The following ACTN3 variants were observed in gnomAD, a reference collection of about 807,000 sequenced individuals.
The protein encoded by ACTN3 is actinin alpha 3.
Under a neutral mutation model 119.6 loss-of-function variants are expected in ACTN3, and 91 were observed. The ratio of observed to expected loss-of-function variants is 0.76; its 90% CI spans 0.64 to 0.91. The LOEUF (loss-of-function observed/expected upper bound fraction) is 0.91, where lower values mean the gene tolerates loss of function less well. Ranked by LOEUF, ACTN3 falls within the 40% of genes least tolerant of loss-of-function variation. The probability of loss-of-function intolerance (pLI) is 0.00; values close to 1 mark genes in which losing one functional copy is unlikely to be tolerated. For missense variants in ACTN3, 1,221 were observed against 1,215.1 expected (o/e 1.00, Z -0.07); for synonymous variants, 456 against 478.8 (o/e 0.95, Z 0.62).
At chr11:66,562,586 G>A (rs1857807360) in intron 19 of ACTN3, among the ~76,000 whole-genome samples, 1 of 152,088 alleles carries the variant, frequency 6.6e-6, no homozygotes, top group African/African-American at 2.4e-5. Flanking sequence ...CAGGACCAGG[G>A]AGCAAATCTG....
chr11:66,547,268 A>G (rs1857370980), intron 1 of ACTN3, among the ~76,000 whole-genome samples, 184 bp downstream of exon 1: 1 of 152,132 alleles, frequency 6.6e-6, no homozygotes, highest in South Asian at 2.1e-4. Flanking sequence ...GGGAGCCCTC[A>G]AGAGGGGTTT....
In ACTN3 at chr11:66,554,054, A is replaced by T. The variant is rs747680597; in HGVS notation, c.392A>T (p.Asp131Val). ...LVSIGAEEIV[D>V]GNLKMTLGMI... ...GACCCCTGCCCTGCAGAGATTGTTG[A>T]CGGGAACCTGAAGATGACCCTGGGC... Residue 131 changes from aspartate to valine, a missense_variant, in exon 4 of 21, where the codon GAC becomes GTC. Physicochemically the swap from Asp to Val is radical, Grantham distance 152 (BLOSUM62 -3). Around this residue, in one of 3 missense-constraint regions of ACTN3, gnomAD observed 239 missense variants for 231.8 expected, o/e 1.03. Coordinates refer to ENST00000513398, the MANE Select transcript of ACTN3 (RefSeq NM_001104.4). 6.2e-6 allele frequency: 10 copies of T among 1,613,746 alleles called. No homozygotes were observed. The South Asian group carries it at 9.9e-5, about 16-fold the overall frequency.
At chr11:66,548,118 G>A (rs1182578323) in intron 1 of ACTN3, among the ~76,000 whole-genome samples, 2 of 152,172 alleles carry the variant, frequency 1.3e-5, no homozygotes, top group Admixed American at 6.5e-5. Flanking sequence ...GAATTTAAAT[G>A]ACCTGAGAGT....
chr11:66,546,539 C>T (rs769391738), upstream of ACTN3: 1 of 1,535,444 alleles, frequency 6.5e-7, no homozygotes, highest in African/African-American at 1.4e-5. Flanking sequence ...GTCCCACCAG[C>T]GAGGTGCTGG....
chr11:66,561,623 G>A lies in ACTN3; in HGVS notation c.2161G>A (p.Val721Ile), dbSNP rs557548998. 2.1e-5 allele frequency: 34 copies of A among 1,612,174 alleles called. No homozygotes were observed. In the South Asian group the frequency reaches 2.4e-4, roughly 12 times the overall value. ...ESLVFDNKHT[V>I]YSMEHIRVGW... is the part of the protein sequence containing the mutation. ...CCTGGTGTTCGACAATAAGCACACC[G>A]TCTACAGCATGGAGGTGGGATCACA... is the stretch of plus-strand genomic sequence containing the variant. The change falls in exon 17 of 21, where the codon GTC becomes ATC. Residue 721 changes from valine (V) to isoleucine (I), a missense_variant. Val to Ile is a conservative substitution (Grantham distance 29). Around this residue, in one of 3 missense-constraint regions of ACTN3, gnomAD observed 934 missense variants for 899.9 expected, o/e 1.04. Coordinates refer to ENST00000513398, the MANE Select transcript of ACTN3 (RefSeq NM_001104.4).
chr11:66,549,604 G>A (rs1046986923), intron 1 of ACTN3, among the ~76,000 whole-genome samples: 4 of 152,042 alleles, frequency 2.6e-5, no homozygotes, highest in African/African-American at 9.7e-5. Flanking sequence ...GGCGACGCAT[G>A]CCTGTAATCC....
At chr11:66,562,189 G>A in intron 18 of ACTN3, 21 bp downstream of exon 18, 1 of 1,613,930 alleles carries the variant, frequency 6.2e-7, no homozygotes, top group Non-Finnish European at 8.5e-7. Context: ...GCCTGGCCCT[G>A]TGGGGTAAGA....
In ACTN3 at chr11:66,561,265, G is replaced by T; in HGVS notation, c.1899G>T (p.Gln633His). The change falls in exon 16 of 21, where the codon CAG becomes CAT. Residue 633 changes from glutamine to histidine, a missense_variant. Coordinates refer to ENST00000513398, the MANE Select transcript of ACTN3 (RefSeq NM_001104.4). ...KLVPSCDQTL[Q>H]EELARQQVNE... ...TGCCCAGCTGTGACCAGACACTGCA[G>T]GAGGAGCTGGCACGGCAGCAGGTAA... 6.2e-7 allele frequency: 1 copy of T among 1,600,792 alleles called. No individual in the cohort carries two copies. Among genetic ancestry groups the T allele is most frequent in the Admixed American group, 1.7e-5 (1 of 58,512 alleles).
In ACTN3 at chr11:66,554,620, C is replaced by G; in HGVS notation, c.554C>G (p.Thr185Ser). Residue 185 changes from threonine to serine, a missense_variant, in exon 5 of 21, where the codon ACC becomes AGC. Physicochemically the swap from Thr to Ser is moderately conservative, Grantham distance 58. Around this residue, in one of 3 missense-constraint regions of ACTN3, gnomAD observed 48 missense variants for 83.4 expected, o/e 0.58. Transcript: ENST00000513398. ...YRNVNVQNFH[T>S]SWKDGLALCA... Reference sequence around the variant, plus strand: ...AACGTCAACGTGCAGAACTTCCACACCAGGTCTGTCAGGTGGTTACCAAAT... The same window carrying G: ...AACGTCAACGTGCAGAACTTCCACAGCAGGTCTGTCAGGTGGTTACCAAAT... The G allele has an allele frequency of 6.2e-7, 1 of 1,610,182 alleles. No homozygotes were observed.
intron 16 of ACTN3, 27 bp downstream of exon 16, chr11:66,561,388 CT>C: frequency 6.2e-7 from 1 of 1,607,270 alleles, no homozygotes; most frequent in Non-Finnish European, 8.5e-7. Flanking sequence ...TGGGTCCAAC[CT>C]GGGGGGATGG....
intron 7 of ACTN3, 103 bp downstream of exon 7, chr11:66,555,470 G>A (rs186486417): frequency 1.6e-5 from 19 of 1,170,690 alleles, no homozygotes; most frequent in Admixed American, 1.1e-4. Context: ...GGGATGCTCC[G>A]ACCACCCCCA....
chr11:66,559,849 C>T, intron 12 of ACTN3, 119 bp from the exon 13 acceptor site: 1 of 1,018,278 alleles, frequency 9.8e-7, no homozygotes, highest in Non-Finnish European at 1.5e-6. Flanking sequence ...TTACCCACCA[C>T]CTGCCCTGGC....
In ACTN3 at chr11:66,560,225, C is replaced by A. The variant is rs749033120; in HGVS notation, c.1591C>A (p.Arg531=). Residue 531 remains arginine, a synonymous_variant, in exon 14 of 21, where the codon CGG becomes AGG. Transcript: ENST00000513398. ...IDRLQLEFAR[R]AAPFNNWLDG... ...CCGGCTGCAACTGGAGTTTGCCCGG[C>A]GGGCCGCGCCCTTCAACAACTGGCT... 1.2e-6 allele frequency: 2 copies of A among 1,611,828 alleles called. No individual in the cohort carries two copies. The highest frequency in any genetic ancestry group is 1.7e-6 in the Non-Finnish European group (2 of 1,179,104).
intron 1 of ACTN3, 187 bp from the exon 2 acceptor site, chr11:66,551,052 G>A (rs573415250): frequency 2.9e-6 from 2 of 689,960 alleles, no homozygotes; most frequent in South Asian, 3.0e-5. Context: ...TCCCCTCTCA[G>A]GAAAACGAAA....
At position 66,558,032 on chromosome 11, in the gene ACTN3, C is replaced by A; in HGVS notation, c.1134C>A (p.Ile378=). The change falls in exon 11 of 21, where the codon ATC becomes ATA. Residue 378 remains isoleucine, a synonymous_variant. Transcript: ENST00000513398. ...MPSEGKLVSD[I]ANAWRGLEQV... ...CACCCCTGCCTGCTCCACAGGACAT[C>A]GCCAACGCCTGGCGGGGGCTGGAGC... 15 of 1,613,816 alleles carry A rather than the reference C, an allele frequency of 9.3e-6. No individual in the cohort carries two copies. Among genetic ancestry groups the A allele is most frequent in the Non-Finnish European group, 1.3e-5 (15 of 1,179,846 alleles).
intron 1 of ACTN3, among the ~76,000 whole-genome samples, chr11:66,548,043 C>G (rs559281278): frequency 1.3e-5 from 2 of 152,296 alleles, no homozygotes; most frequent in African/African-American, 4.8e-5. Context: ...GGCCATTGGA[C>G]CCTGCTCAGC....
chr11:66,551,793 C>A, intron 3 of ACTN3, 146 bp downstream of exon 3: 1 of 1,221,720 alleles, frequency 8.2e-7, no homozygotes, highest in South Asian at 1.5e-5. Context: ...GCCAGTATGC[C>A]AGCCAGGCAC....
chr11:66,554,271 C>T (rs1311268582), intron 4 of ACTN3, 140 bp downstream of exon 4: 4 of 521,662 alleles, frequency 7.7e-6, no homozygotes, highest in Non-Finnish European at 9.7e-6. Flanking sequence ...TGGTGAAACC[C>T]CATCTCTACA....
At chr11:66,546,890 G>C (rs751192912), upstream of ACTN3, 1 of 1,518,038 alleles carries the variant, frequency 6.6e-7, no homozygotes, top group Non-Finnish European at 8.8e-7. Context: ...ATGGGGCCCG[G>C]GTGTCCGAGA....
Sources: allele counts gnomAD v4.1 joint callset (sites outside exome capture counted in the v4.1 genomes callset), GRCh38; gene constraint gnomAD v4.1.1; regional missense constraint gnomAD v4.1.1; transcripts MANE v1.5; gene names NCBI Gene and HGNC (gene_info 2026-07-23, HGNC 2026-07-21).